The following SLIT2 variants were observed in gnomAD, a reference collection of about 807,000 sequenced individuals.
SLIT2 encodes slit guidance ligand 2, also known as slit homolog 2 protein.
A neutral mutation model predicts 185.7 loss-of-function variants in SLIT2; 41 were observed. The ratio of observed to expected loss-of-function variants is 0.22; its 90% confidence interval spans 0.17 to 0.29. SLIT2 has a LOEUF of 0.29. Among genes scored for constraint, SLIT2 ranks in the 10% least tolerant of loss-of-function variants. The pLI is 1.00. For synonymous variants in SLIT2, 693 were observed against 680.2 expected (o/e 1.02, Z -0.29); for missense variants, 1,571 against 1,909.0 (o/e 0.82, Z 3.30).
At chr4:20,461,668 C>A (rs1178936878) in intron 4 of SLIT2, among the ~76,000 whole-genome samples, 1 of 152,120 alleles carries the variant, frequency 6.6e-6, no homozygotes, top group Non-Finnish European at 1.5e-5. Flanking sequence ...GAAAACAGAG[C>A]TGAGAGGATT....
chr4:20,350,924 CTT>C (rs1721818408), intron 4 of SLIT2, among the ~76,000 whole-genome samples: 1 of 152,032 alleles, frequency 6.6e-6, no homozygotes, highest in Non-Finnish European at 1.5e-5. Flanking sequence ...TTTTTAATAA[CTT>C]TTAATACTGC....
intron 11 of SLIT2, among the ~76,000 whole-genome samples, chr4:20,513,493 A>C (rs1719932701): frequency 6.6e-6 from 1 of 152,204 alleles, no homozygotes; most frequent in Admixed American, 6.5e-5. Context: ...TTCTTCATTG[A>C]ACCACAGTTA....
intron 4 of SLIT2, among the ~76,000 whole-genome samples, chr4:20,279,521 A>G (rs1267169521): frequency 1.3e-5 from 2 of 152,146 alleles, no homozygotes; most frequent in Non-Finnish European, 2.9e-5. Context: ...TATTGATTCT[A>G]TGGTACATTA....
chr4:20,442,374 A>T (rs1294174308), intron 4 of SLIT2, among the ~76,000 whole-genome samples: 5 of 152,130 alleles, frequency 3.3e-5, no homozygotes, highest in Admixed American at 6.5e-5. Context: ...ACACAAAAAA[A>T]TTAGCTAGGT....
intron 4 of SLIT2, among the ~76,000 whole-genome samples, chr4:20,328,409 AT>A (rs1383722151): frequency 1.3e-5 from 2 of 152,066 alleles, no homozygotes; most frequent in African/African-American, 4.8e-5. Flanking sequence ...TAAACAAATA[AT>A]TAGTTTTTGA....
intron 4 of SLIT2, among the ~76,000 whole-genome samples, chr4:20,276,047 T>C (rs1313097701): frequency 1.3e-5 from 2 of 152,170 alleles, no homozygotes; most frequent in South Asian, 2.1e-4. Context: ...CTTTGTAATA[T>C]GTACATATGA....
At chr4:20,386,121 A>G (rs185234444) in intron 4 of SLIT2, among the ~76,000 whole-genome samples, 1 of 152,282 alleles carries the variant, frequency 6.6e-6, no homozygotes, top group Non-Finnish European at 1.5e-5. Flanking sequence ...AAGCTCATGC[A>G]TTTGACTCAT....
rs549126895 is a variant in SLIT2 at position 20,467,041 on chromosome 4, C to T, written c.396-711C>T. ...ATAATGATCCATTTCATGAGATGAG[C>T]GATTTTTACAAACTGCTGTTTCCAG... On this transcript the variant is annotated intron_variant, in intron 4 of 36. Coordinates refer to ENST00000504154, the MANE Select transcript of SLIT2 (RefSeq NM_004787.4). Among the ~76,000 whole-genome samples the T allele has an allele frequency of 2.0e-5, 3 of 152,148 alleles. No homozygotes were observed. The South Asian group carries it at 6.2e-4, about 32-fold the overall frequency.
chr4:20,324,487 G>C (rs981715413), intron 4 of SLIT2, among the ~76,000 whole-genome samples: 2 of 152,074 alleles, frequency 1.3e-5, no homozygotes, highest in Non-Finnish European at 2.9e-5. Flanking sequence ...TGTAACCAAA[G>C]GGCAGAAACC....
At chr4:20,596,790 T>A (rs1728014062) in intron 32 of SLIT2, 135 bp downstream of exon 32, 1 of 761,434 alleles carries the variant, frequency 1.3e-6, no homozygotes, top group African/African-American at 1.8e-5. Context: ...GCTCCTTGTG[T>A]GGACAGCGTT....
At chr4:20,322,541 G>GT (rs1455979386) in intron 4 of SLIT2, among the ~76,000 whole-genome samples, 1 of 151,920 alleles carries the variant, frequency 6.6e-6, no homozygotes, top group East Asian at 1.9e-4. Flanking sequence ...ATAATTTTGA[G>GT]TTTTTTTCTT....
intron 4 of SLIT2, among the ~76,000 whole-genome samples, chr4:20,396,663 TG>T (rs1369439333): frequency 2.0e-5 from 3 of 151,572 alleles, no homozygotes; most frequent in African/African-American, 4.8e-5. Context: ...TTCTCTTCAT[TG>T]CGATACTCAT....
At chr4:20,545,244 A>T (rs1355615343) in intron 21 of SLIT2, among the ~76,000 whole-genome samples, 4 of 152,002 alleles carry the variant, frequency 2.6e-5, no homozygotes, top group Non-Finnish European at 5.9e-5. Context: ...TTTCTGAATG[A>T]CATTTGCACC....
intron 18 of SLIT2, among the ~76,000 whole-genome samples, chr4:20,538,060 C>T (rs564961591): frequency 2.9e-4 from 44 of 152,256 alleles, no homozygotes; most frequent in Non-Finnish European, 4.7e-4. Flanking sequence ...CCCGGGTTCA[C>T]GCCAGTCTCC....
At chr4:20,340,417 C>T (rs1015927813) in intron 4 of SLIT2, among the ~76,000 whole-genome samples, 8 of 151,978 alleles carry the variant, frequency 5.3e-5, no homozygotes, top group South Asian at 2.1e-4. Context: ...TCCTTTTAAA[C>T]CAAGGGAGTA....
intron 4 of SLIT2, among the ~76,000 whole-genome samples, chr4:20,421,431 C>T (rs965382071): frequency 4.6e-5 from 7 of 152,090 alleles, no homozygotes; most frequent in African/African-American, 1.7e-4. Flanking sequence ...CTCCCTTCAC[C>T]ATATGTCTCT....
intron 3 of SLIT2, among the ~76,000 whole-genome samples, chr4:20,264,387 A>G (rs1357196546): frequency 6.6e-6 from 1 of 151,826 alleles, no homozygotes; most frequent in Admixed American, 6.6e-5. Context: ...TTACAGACCT[A>G]GCACGCTGCT....
chr4:20,508,669 TAAAGTA>T (rs981444055), intron 9 of SLIT2, among the ~76,000 whole-genome samples: 7 of 152,012 alleles, frequency 4.6e-5, no homozygotes, highest in African/African-American at 1.4e-4. Context: ...AAAAAAACAC[TAAAGTA>T]AAACTCCCTG....
chr4:20,558,249 CTGG>C (rs1415029299), intron 26 of SLIT2, among the ~76,000 whole-genome samples: 1 of 151,976 alleles, frequency 6.6e-6, no homozygotes, highest in Non-Finnish European at 1.5e-5. Context: ...AGAGAAATAT[CTGG>C]TGAAAGGAAG....
Sources: allele counts gnomAD v4.1 joint callset (sites outside exome capture counted in the v4.1 genomes callset), GRCh38; gene constraint gnomAD v4.1.1; transcripts MANE v1.5; gene names NCBI Gene and HGNC (gene_info 2026-07-23, HGNC 2026-07-21).